The following RRP15 variants were observed in gnomAD, a reference collection of about 807,000 sequenced individuals.
RRP15 encodes ribosomal RNA processing 15 homolog, also known as RRP15-like protein.
Under a neutral mutation model 27.1 loss-of-function variants are expected in RRP15, and 18 were observed. The observed-to-expected ratio is 0.66, with a 90% confidence interval of 0.46 to 0.98. The LOEUF (loss-of-function observed/expected upper bound fraction) is 0.98. Ranked by LOEUF, RRP15 falls within the 50% of genes least tolerant of loss-of-function variation. RRP15 has a pLI of 0.00. For synonymous variants in RRP15, 107 were observed against 109.4 expected, an observed-to-expected ratio of 0.98 and a Z score of 0.14; for missense variants, 359 against 337.8, an observed-to-expected ratio of 1.06 and a Z score of -0.49.
intron 2 of RRP15, among the ~76,000 whole-genome samples, chr1:218,303,097 C>T (rs1473136149): frequency 2.0e-5 from 3 of 152,024 alleles, no homozygotes; most frequent in Non-Finnish European, 4.4e-5. Flanking sequence ...TAGGTATAAT[C>T]TATTAATTAA....
intron 4 of RRP15, among the ~76,000 whole-genome samples, chr1:218,308,337 G>A (rs1287200580): frequency 6.6e-6 from 1 of 151,910 alleles, no homozygotes; most frequent in East Asian, 1.9e-4. Flanking sequence ...CTTCCAAAGT[G>A]CTGGGATTCC....
rs776185321 is a variant in RRP15, at chr1:218,331,057, G to T, written c.815G>T (p.Ser272Ile). 21 of 1,612,704 alleles carry T rather than the reference G, an allele frequency of 1.3e-5. No individual in the cohort carries two copies. The highest frequency in any genetic ancestry group is 1.1e-4 in the South Asian group (10 of 90,932). Residue 272 changes from serine (S) to isoleucine (I), a missense_variant, in exon 5 of 5, where the codon AGC becomes ATC. Physicochemically the swap from Ser to Ile is moderately radical, Grantham distance 142. Transcript: ENST00000366932. ...WDKESDGPDD[S>I]RPESASDSDT Reference sequence around the variant, plus strand: ...AAGGAAAGTGATGGGCCAGATGACAGCAGACCAGAATCTGCAAGTGACTCT... The same window carrying T: ...AAGGAAAGTGATGGGCCAGATGACATCAGACCAGAATCTGCAAGTGACTCT...
chr1:218,329,893 G>A (rs1308156635), intron 4 of RRP15, among the ~76,000 whole-genome samples: 1 of 151,892 alleles, frequency 6.6e-6, no homozygotes, highest in Non-Finnish European at 1.5e-5. Flanking sequence ...AGCTATAGCA[G>A]TTAGGTAAGT....
chr1:218,294,877 T>G (rs1413935500), intron 1 of RRP15, among the ~76,000 whole-genome samples: 1 of 152,164 alleles, frequency 6.6e-6, no homozygotes, highest in Non-Finnish European at 1.5e-5. Flanking sequence ...AGATACTCCT[T>G]TGGAGATTCC....
intron 1 of RRP15, among the ~76,000 whole-genome samples, chr1:218,296,587 T>C: frequency 6.6e-6 from 1 of 151,096 alleles, no homozygotes; most frequent in Non-Finnish European, 1.5e-5. Flanking sequence ...TAGGCTGCAG[T>C]GAGCTAAGAT....
chr1:218,285,503 T>C (rs1357989235), intron 1 of RRP15, 48 bp downstream of exon 1: 1 of 1,609,044 alleles, frequency 6.2e-7, no homozygotes, highest in South Asian at 1.1e-5. Context: ...AAGGCGGGGC[T>C]GAGTTCGTGT....
intron 1 of RRP15, among the ~76,000 whole-genome samples, chr1:218,288,809 C>T (rs752357285): frequency 5.9e-5 from 9 of 152,178 alleles, no homozygotes; most frequent in Admixed American, 5.9e-4. Context: ...CACCAAGGGA[C>T]ATTTTTGTGT....
chr1:218,302,079 C>T, intron 1 of RRP15: 1 of 483,874 alleles, frequency 2.1e-6, no homozygotes, highest in Non-Finnish European at 3.6e-6. Context: ...CTGTGACATC[C>T]CCTGTATATG....
chr1:218,317,145 C>T (rs1328589244), intron 4 of RRP15, among the ~76,000 whole-genome samples: 1 of 152,132 alleles, frequency 6.6e-6, no homozygotes, highest in African/African-American at 2.4e-5. Context: ...GAATAATGTG[C>T]AGAACATCAT....
chr1:218,319,696 C>T (rs12066964), intron 4 of RRP15, among the ~76,000 whole-genome samples: 4,485 of 152,200 alleles, frequency 0.029, 87 homozygotes, highest in East Asian at 0.074. Context: ...TTACTAGATG[C>T]AGCTTTGTTT....
chr1:218,302,650 T>A, intron 2 of RRP15, 91 bp downstream of exon 2: 1 of 1,513,686 alleles, frequency 6.6e-7, no homozygotes, highest in African/African-American at 1.4e-5. Flanking sequence ...TTTGACCAAT[T>A]AACGTTCCAG....
At chr1:218,319,994 A>G (rs199990269) in intron 4 of RRP15, among the ~76,000 whole-genome samples, 1 of 147,800 alleles carries the variant, frequency 6.8e-6, no homozygotes, top group East Asian at 2.0e-4. Flanking sequence ...GAAGTGTTAC[A>G]TTTGACTTTT....
At chr1:218,328,463 C>A (rs957427266) in intron 4 of RRP15, among the ~76,000 whole-genome samples, 1 of 152,156 alleles carries the variant, frequency 6.6e-6, no homozygotes. Flanking sequence ...GAGATTGAGA[C>A]CATCCTGGCT....
intron 4 of RRP15, 110 bp from the exon 5 acceptor site, chr1:218,330,838 C>A: frequency 1.3e-6 from 1 of 765,640 alleles, no homozygotes; most frequent in Non-Finnish European, 2.1e-6. Context: ...CTTGGTTTTA[C>A]CCCTATTTTA....
intron 4 of RRP15, among the ~76,000 whole-genome samples, chr1:218,325,429 G>C (rs1355723470): frequency 6.6e-6 from 1 of 152,060 alleles, no homozygotes; most frequent in Admixed American, 6.5e-5. Flanking sequence ...TGGGGACCTC[G>C]TATGTCTGAA....
Position 218,332,278 on chromosome 1 carries a change from A to C in RRP15, c.*1187A>C, listed in dbSNP as rs1245828522. The C allele has an allele frequency of 6.6e-6, 1 of 152,162 alleles. No individual in the cohort carries two copies. The highest frequency in any genetic ancestry group is 2.4e-5 in the African/African-American group (1 of 41,448). 9.4% of individuals were successfully genotyped at this position (152,162 alleles called of 1,614,324 possible). A position where few individuals can be genotyped will look rare whatever the true frequency, so the allele number is the denominator to read the frequency against. On this transcript the variant is annotated 3_prime_UTR_variant, in exon 5 of 5. Transcript: ENST00000366932. ...GCAGCAGAATATTGCATCCAATTTG[A>C]GACTTGATTCCATATTATTGCCTTA...
At chr1:218,295,904 A>G (rs1655710859) in intron 1 of RRP15, among the ~76,000 whole-genome samples, 1 of 152,108 alleles carries the variant, frequency 6.6e-6, no homozygotes, top group African/African-American at 2.4e-5. Flanking sequence ...TCATTTTTTC[A>G]AAGGTAACTT....
chr1:218,332,375 A>C lies in RRP15; in HGVS notation c.*1284A>C, dbSNP rs1656385484. On this transcript the variant is annotated 3_prime_UTR_variant, in exon 5 of 5. Coordinates refer to ENST00000366932, the MANE Select transcript of RRP15 (RefSeq NM_016052.4). ...GGAAAGACTGTTTAATATCATTCCAAAATTTTTGTGAAATGTGGCCCAAGA... is the reference window on the plus strand; with the variant it reads ...GGAAAGACTGTTTAATATCATTCCACAATTTTTGTGAAATGTGGCCCAAGA... 6.6e-6 allele frequency: 1 copy of C among 152,194 alleles called. No individual in the cohort carries two copies. The highest frequency in any genetic ancestry group is 1.9e-4 in the East Asian group (1 of 5,196). The allele number at this position is 152,194 out of a possible 1,614,324, so 9.4% of individuals were successfully genotyped here.
At chr1:218,328,435 G>A (rs1326054427) in intron 4 of RRP15, among the ~76,000 whole-genome samples, 3 of 152,104 alleles carry the variant, frequency 2.0e-5, no homozygotes, top group Admixed American at 2.0e-4. Context: ...GGCCAAGGCG[G>A]GCAGATCATG....
Sources: allele counts gnomAD v4.1 joint callset (sites outside exome capture counted in the v4.1 genomes callset), GRCh38; gene constraint gnomAD v4.1.1; transcripts MANE v1.5; gene names NCBI Gene and HGNC (gene_info 2026-07-23, HGNC 2026-07-21).